The following NCAM1 variants were observed in gnomAD, a reference collection of about 807,000 sequenced individuals.
NCAM1 encodes the protein neural cell adhesion molecule 1.
A neutral mutation model predicts 109.8 loss-of-function variants in NCAM1; 14 were observed. The observed-to-expected ratio is 0.13, with a 90% CI of 0.08 to 0.20. NCAM1 has a LOEUF of 0.20. Ranked by LOEUF, NCAM1 falls within the 10% of genes least tolerant of loss-of-function variation. NCAM1 has a pLI of 1.00. For synonymous variants in NCAM1, 418 were observed against 442.9 expected, an observed-to-expected ratio of 0.94 and a Z score of 0.70; for missense variants, 774 against 1,109.9, an observed-to-expected ratio of 0.70 and a Z score of 4.30.
intron 1 of NCAM1, among the ~76,000 whole-genome samples, chr11:113,200,684 G>A (rs1283818565): frequency 3.9e-5 from 6 of 152,122 alleles, no homozygotes; most frequent in South Asian, 2.1e-4. Flanking sequence ...CTCTCACAGT[G>A]TAGAATCAAG....
chr11:113,086,745 A>G (rs1051287951), intron 1 of NCAM1, among the ~76,000 whole-genome samples: 13 of 152,208 alleles, frequency 8.5e-5, no homozygotes, highest in African/African-American at 1.2e-4. Flanking sequence ...AAGCGTGAAC[A>G]GAGGATTGGA....
At chr11:113,129,998 T>C (rs936144215) in intron 1 of NCAM1, among the ~76,000 whole-genome samples, 2 of 152,210 alleles carry the variant, frequency 1.3e-5, no homozygotes, top group African/African-American at 2.4e-5. Flanking sequence ...ACAGCACTTA[T>C]GGCCCTCTGG....
intron 1 of NCAM1, among the ~76,000 whole-genome samples, chr11:113,166,006 T>A (rs1555105201): frequency 6.6e-6 from 1 of 151,332 alleles, no homozygotes; most frequent in East Asian, 2.0e-4. Flanking sequence ...TATTTTTACT[T>A]ATTTTTAGTA....
intron 1 of NCAM1, among the ~76,000 whole-genome samples, chr11:113,092,162 T>G (rs939653380): frequency 1.4e-4 from 21 of 152,176 alleles, no homozygotes; most frequent in African/African-American, 4.8e-4. Flanking sequence ...CTAGCTTTTA[T>G]TAAGCACTTA....
intron 1 of NCAM1, among the ~76,000 whole-genome samples, chr11:113,150,421 G>A (rs1166349142): frequency 6.6e-6 from 1 of 152,206 alleles, no homozygotes; most frequent in Non-Finnish European, 1.5e-5. Context: ...GCCTCTCTGA[G>A]CTGTGACATC....
intron 1 of NCAM1, among the ~76,000 whole-genome samples, chr11:113,100,603 ATAGCTGAAC>A (rs1555091332): frequency 6.6e-6 from 1 of 152,016 alleles, no homozygotes; most frequent in Admixed American, 6.5e-5. Context: ...GGAGTTTGGG[ATAGCTGAAC>A]TCCTTTCCGT....
chr11:113,036,133 A>C (rs1952874892), intron 1 of NCAM1, among the ~76,000 whole-genome samples: 1 of 150,044 alleles, frequency 6.7e-6, no homozygotes, highest in African/African-American at 2.5e-5. Context: ...CCATTTCCAC[A>C]CTCCCCAAGC....
intron 1 of NCAM1, among the ~76,000 whole-genome samples, chr11:113,162,760 C>T (rs1463562036): frequency 6.6e-6 from 1 of 152,082 alleles, no homozygotes; most frequent in African/African-American, 2.4e-5. Flanking sequence ...GTTACGGTCA[C>T]GGGGCATATT....
intron 1 of NCAM1, among the ~76,000 whole-genome samples, chr11:113,067,528 T>C (rs924410311): frequency 2.6e-5 from 4 of 152,242 alleles, no homozygotes; most frequent in Non-Finnish European, 5.9e-5. Context: ...AGTGTTTAAT[T>C]CAATGAATGG....
intron 1 of NCAM1, among the ~76,000 whole-genome samples, chr11:113,099,934 G>T (rs374618374): frequency 6.6e-6 from 1 of 152,098 alleles, no homozygotes; most frequent in Non-Finnish European, 1.5e-5. Context: ...TGATCTGCCC[G>T]CCTCGGCCTC....
At chr11:113,104,829 C>T (rs1478352832) in intron 1 of NCAM1, among the ~76,000 whole-genome samples, 10 of 152,242 alleles carry the variant, frequency 6.6e-5, no homozygotes, top group African/African-American at 1.9e-4. Flanking sequence ...TCAGATACTT[C>T]GAAAATGCCT....
At chr11:113,165,890 G>A (rs529511229) in intron 1 of NCAM1, among the ~76,000 whole-genome samples, 10 of 151,204 alleles carry the variant, frequency 6.6e-5, no homozygotes, top group African/African-American at 2.2e-4. Flanking sequence ...TCGGCTCACT[G>A]CAAGCTCTGC....
intron 1 of NCAM1, among the ~76,000 whole-genome samples, chr11:113,036,737 G>GGT (rs1460292852): frequency 2.0e-5 from 3 of 152,156 alleles, no homozygotes; most frequent in Admixed American, 1.3e-4. Flanking sequence ...TACCTTGCAA[G>GGT]GTAAGCTTCT....
chr11:112,979,414 A>G (rs1384122301), intron 1 of NCAM1, among the ~76,000 whole-genome samples: 1 of 151,840 alleles, frequency 6.6e-6, no homozygotes, highest in African/African-American at 2.4e-5. Context: ...TGTGATTCAT[A>G]AATTGGGGCA....
At chr11:113,206,774 T>A (rs1944252191) in intron 5 of NCAM1, among the ~76,000 whole-genome samples, 1 of 152,238 alleles carries the variant, frequency 6.6e-6, no homozygotes. Context: ...AACAGTTTTG[T>A]ACAAGGTTGT....
intron 1 of NCAM1, among the ~76,000 whole-genome samples, chr11:113,107,019 G>T (rs1274696617): frequency 1.3e-5 from 2 of 152,172 alleles, no homozygotes; most frequent in African/African-American, 4.8e-5. Flanking sequence ...TACAATATTT[G>T]CAACTTTCAA....
chr11:113,025,905 G>C (rs567192288), intron 1 of NCAM1, among the ~76,000 whole-genome samples: 1 of 151,990 alleles, frequency 6.6e-6, no homozygotes, highest in South Asian at 2.1e-4. Context: ...CTTTTTTTGA[G>C]TTATTTTGTG....
intron 1 of NCAM1, among the ~76,000 whole-genome samples, chr11:113,080,145 T>C (rs1350489832): frequency 1.3e-5 from 2 of 152,192 alleles, no homozygotes; most frequent in African/African-American, 4.8e-5. Flanking sequence ...TATCGTTTTT[T>C]TTCTATCATC....
chr11:113,232,333 C>G lies in NCAM1; in HGVS notation c.1404C>G (p.Thr468=). 2 of 1,611,358 alleles carry G rather than the reference C, an allele frequency of 1.2e-6. No homozygotes were observed. Among genetic ancestry groups the G allele is most frequent in the Non-Finnish European group, 1.7e-6 (2 of 1,178,500 alleles). The part of the protein sequence containing the change: ...SNYSNIKIYN[T]PSASYLEVTP... Reference sequence around the variant, plus strand: ...ACAGCAATATCAAGATCTACAACACCCCCTCTGCCAGCTATCTGGAGGTGA... The same window carrying G: ...ACAGCAATATCAAGATCTACAACACGCCCTCTGCCAGCTATCTGGAGGTGA... Residue 468 remains threonine (T), a synonymous_variant, in exon 11 of 20, where the codon ACC becomes ACG. Transcript: ENST00000316851.
Sources: allele counts gnomAD v4.1 joint callset (sites outside exome capture counted in the v4.1 genomes callset), GRCh38; gene constraint gnomAD v4.1.1; transcripts MANE v1.5; gene names NCBI Gene and HGNC (gene_info 2026-07-23, HGNC 2026-07-21).